Variants in AHNAK observed in about 807,000 individuals in gnomAD.
AHNAK encodes the protein neuroblast differentiation-associated protein AHNAK.
In AHNAK, 23 loss-of-function variants were observed where a neutral mutation model predicts 37.8. That is an observed-to-expected ratio of 0.61 (90% CI 0.44 to 0.86). The LOEUF (loss-of-function observed/expected upper bound fraction) is 0.86, where lower values mean the gene tolerates loss of function less well. Ranked by LOEUF, AHNAK falls within the 40% of genes least tolerant of loss-of-function variation. AHNAK has a pLI of 0.00. For synonymous variants in AHNAK, 2,481 were observed against 2,636.3 expected, an observed-to-expected ratio of 0.94 and a Z score of 1.80; for missense variants, 7,411 against 7,319.4, an observed-to-expected ratio of 1.01 and a Z score of -0.46.
At position 62,532,844 on chromosome 11, in the gene AHNAK, C is replaced by A. The variant is rs752979619; in HGVS notation, c.1573G>T (p.Val525Leu). The change falls in exon 5 of 5, where the codon GTG becomes TTG. Residue 525 changes from valine to leucine, a missense_variant. Val to Leu is a conservative substitution (Grantham distance 32, BLOSUM62 1). Coordinates refer to ENST00000378024, the MANE Select transcript of AHNAK (RefSeq NM_001620.3). Reference protein sequence around the residue: ...KGDIKVSAPGVQGDVKGPQVA... With the variant: ...KGDIKVSAPGLQGDVKGPQVA... ...TGAGGGCCTTTAACATCACCTTGCA[C>A]CCCAGGAGCAGAAACCTTAATATCT... 1 of 1,614,040 alleles carries A rather than the reference C, an allele frequency of 6.2e-7. No homozygotes were observed.
At chr11:62,538,203 A>AGGCCCCGGCCCCACCAGGCAC (rs1941014383) in intron 1 of AHNAK, among the ~76,000 whole-genome samples, 1 of 152,092 alleles carries the variant, frequency 6.6e-6, no homozygotes, top group Non-Finnish European at 1.5e-5. Flanking sequence ...TGAACAAAGG[A>AGGCCCCGGCCCCACCAGGCAC]GGCCCCGGCC....
At position 62,526,823 on chromosome 11, in the gene AHNAK, C is replaced by A. The variant is rs369178387; in HGVS notation, c.7594G>T (p.Val2532Phe). ...TCAACGTCAGCCTTAGGCAAGTTGA[C>A]GTCTACTTCAGGGCCCTCTGCTTTG... ...GFKAEGPEVD[V>F]NLPKADVDIS... Residue 2532 changes from valine to phenylalanine, a missense_variant, in exon 5 of 5, where the codon GTC becomes TTC. Transcript: ENST00000378024. 1 of 1,613,662 alleles carries A rather than the reference C, an allele frequency of 6.2e-7. No individual in the cohort carries two copies. The highest frequency in any genetic ancestry group is 8.5e-7 in the Non-Finnish European group (1 of 1,179,950).
Position 62,455,869 on chromosome 11 carries a change from A to G in AHNAK, c.443-21978T>C, listed in dbSNP as rs561676841. ...AACGAGCAAATCTCCATCCCCCCAA[A>G]AAAAAAAAAACTATACAAAATTAAC... On this transcript the variant is annotated intron_variant, in intron 5 of 5. Coordinates refer to the AHNAK transcript ENST00000257247. Among the ~76,000 whole-genome samples the G allele has an allele frequency of 4.8e-3, 720 of 150,932 alleles. 10 individuals carry two copies. The highest frequency in any genetic ancestry group is 0.017 in the African/African-American group (683 of 41,068).
At chr11:62,468,566 A>C (rs981104366) in intron 5 of AHNAK, among the ~76,000 whole-genome samples, 3 of 152,108 alleles carry the variant, frequency 2.0e-5, no homozygotes, top group Non-Finnish European at 4.4e-5. Flanking sequence ...GTTCCACACC[A>C]CCAAGCCAAA....
chr11:62,454,818 C>T (rs1456428335), intron 5 of AHNAK, among the ~76,000 whole-genome samples: 2 of 152,086 alleles, frequency 1.3e-5, no homozygotes, highest in Admixed American at 6.5e-5. Flanking sequence ...GAAATGCCTG[C>T]CCCCATGTCT....
At chr11:62,443,775 G>A (rs1938364361) in intron 5 of AHNAK, among the ~76,000 whole-genome samples, 1 of 152,176 alleles carries the variant, frequency 6.6e-6, no homozygotes, top group South Asian at 2.1e-4. Context: ...TCTGCTTCTG[G>A]TGATGAAAGA....
rs1305673870 is a variant in AHNAK, at chr11:62,533,601, C to A, written c.816G>T (p.Gly272=). Residue 272 remains glycine, a synonymous_variant, in exon 5 of 5, where the codon GGG becomes GGT. Transcript: ENST00000378024. The part of the protein sequence containing the change: ...AKGLDLGGRG[G]VQVPAVDISS... ...AAATGTCCACTGCTGGAACTTGGAC[C>A]CCTCCTCTGCCACCCAAGTCCAAGC... 1 of 1,614,116 alleles carries A rather than the reference C, an allele frequency of 6.2e-7. No individual in the cohort carries two copies. Among genetic ancestry groups the A allele is most frequent in the East Asian group, 2.2e-5 (1 of 44,882 alleles).
Position 62,516,329 on chromosome 11 carries a change from C to T in AHNAK, c.*415G>A. 1 of 1,288,674 alleles carries T rather than the reference C, an allele frequency of 7.8e-7. No homozygotes were observed. Among genetic ancestry groups the T allele is most frequent in the African/African-American group, 1.5e-5 (1 of 65,872 alleles). The allele number at this position is 1,288,674 out of a possible 1,614,324, so 79.8% of individuals were successfully genotyped here. ...CCTGACCTCCGTCTGCAACCCATCA[C>T]CCCACCCACCCTTACTAACAAAAGC... On this transcript the variant is annotated 3_prime_UTR_variant, in exon 5 of 5. Transcript: ENST00000378024.
intron 5 of AHNAK, among the ~76,000 whole-genome samples, chr11:62,475,321 A>G (rs1413080694): frequency 6.6e-6 from 1 of 151,660 alleles, no homozygotes. Context: ...AGGTGGGGGG[A>G]CCCCTGCAGC....
intron 4 of AHNAK, among the ~76,000 whole-genome samples, chr11:62,509,571 AAG>A (rs1284520980): frequency 1.3e-5 from 2 of 152,022 alleles, no homozygotes; most frequent in Non-Finnish European, 2.9e-5. Context: ...GAAAGAAAGA[AAG>A]AGACCAAGAC....
rs565382003 is a variant in AHNAK, at chr11:62,470,069, C to T, written c.442+21663G>A. Reference sequence around the variant, plus strand: ...CCCGTAATCCCAGCACTTTGGGAGGCCAAGGTGGGCGGATCACAAAGTCAA... The same window carrying T: ...CCCGTAATCCCAGCACTTTGGGAGGTCAAGGTGGGCGGATCACAAAGTCAA... On this transcript the variant is annotated intron_variant, in intron 5 of 5. Transcript: ENST00000257247. 1.2e-4 allele frequency among the ~76,000 whole-genome samples: 18 copies of T among 152,188 alleles called. No individual in the cohort carries two copies. In the South Asian group the frequency reaches 3.3e-3, roughly 28 times the overall value.
In AHNAK at chr11:62,526,593, G is replaced by C; in HGVS notation, c.7824C>G (p.Leu2608=). ...CCTTGATGTCAACTTCGGGGCCCTT[G>C]AGGTCACCTTCCACTTTGGGCAGAG... ...DVSLPKVEGD[L]KGPEVDIKGP... is the part of the protein sequence containing the mutation. The change falls in exon 5 of 5, where the codon CTC becomes CTG. Residue 2608 remains leucine, a synonymous_variant. Transcript: ENST00000378024. 1 of 1,613,472 alleles carries C rather than the reference G, an allele frequency of 6.2e-7. No homozygotes were observed. Among genetic ancestry groups the C allele is most frequent in the Middle Eastern group, 1.7e-4 (1 of 6,056 alleles).
Position 62,529,975 on chromosome 11 carries a change from T to C in AHNAK, c.4442A>G (p.Lys1481Arg), listed in dbSNP as rs75436331. 47,438 of 1,613,340 alleles carry C rather than the reference T, an allele frequency of 0.029. 842 individuals are homozygous for C. Among genetic ancestry groups the C allele is most frequent in the African/African-American group, 0.075 (5,584 of 74,760 alleles). The change falls in exon 5 of 5, where the codon AAA becomes AGA. Residue 1481 changes from lysine (K) to arginine (R), a missense_variant. Coordinates refer to ENST00000378024, the MANE Select transcript of AHNAK (RefSeq NM_001620.3). ...VTVPKVEGEIKAPDVDIKGPK... is the reference protein window; with the variant it reads ...VTVPKVEGEIRAPDVDIKGPK... ...GCCTTTGATGTCAACATCAGGAGCT[T>C]TTATCTCTCCTTCTACTTTTGGAAC... is the stretch of plus-strand genomic sequence containing the variant.
chr11:62,528,064 G>A lies in AHNAK; in HGVS notation c.6353C>T (p.Ser2118Phe), dbSNP rs1281811777. ...PEMHFKAPKISMPDVDLHLKG... is the reference protein window; with the variant it reads ...PEMHFKAPKIFMPDVDLHLKG... ...CAAGTGTAAGTCCACATCAGGCATG[G>A]AGATCTTGGGGGCCTTGAAGTGCAT... is the stretch of plus-strand genomic sequence containing the variant. Residue 2118 changes from serine (S) to phenylalanine (F), a missense_variant, in exon 5 of 5, where the codon TCC (serine) becomes TTC (phenylalanine). Physicochemically the swap from Ser to Phe is radical, Grantham distance 155. Transcript: ENST00000378024. The A allele has an allele frequency of 6.2e-7, 1 of 1,613,628 alleles. No individual in the cohort carries two copies. The highest frequency in any genetic ancestry group is 8.5e-7 in the Non-Finnish European group (1 of 1,179,928).
downstream of AHNAK, among the ~76,000 whole-genome samples, chr11:62,511,845 C>T (rs780831802): frequency 7.9e-5 from 12 of 152,030 alleles, no homozygotes; most frequent in Non-Finnish European, 1.5e-4. Context: ...AGTGCCACAC[C>T]GGGCTAGTTT....
Position 62,527,541 on chromosome 11 carries a change from T to C in AHNAK, c.6876A>G (p.Glu2292=), listed in dbSNP as rs1338777377. ...TAAACTTGGGGCCCTTCAGCTTCCC[T>C]TCTGGACCTTCAAGGCTCACATCTG... ...EVPDVSLEGP[E]GKLKGPKFKM... The change falls in exon 5 of 5, where the codon GAA becomes GAG. Residue 2292 remains glutamate, a synonymous_variant. Transcript: ENST00000378024. The C allele has an allele frequency of 4.3e-6, 7 of 1,609,506 alleles. No individual in the cohort carries two copies. The East Asian group carries it at 1.6e-4, about 36-fold the overall frequency.
chr11:62,482,015 G>C (rs1030336629), intron 5 of AHNAK, among the ~76,000 whole-genome samples: 3 of 152,098 alleles, frequency 2.0e-5, no homozygotes, highest in African/African-American at 4.8e-5. Context: ...TCCCTGCTGG[G>C]TCAGCCATGC....
intron 5 of AHNAK, among the ~76,000 whole-genome samples, chr11:62,465,386 G>C (rs1938889572): frequency 6.6e-6 from 1 of 152,146 alleles, no homozygotes; most frequent in Non-Finnish European, 1.5e-5. Flanking sequence ...AGGCCGAGGT[G>C]GGTGGATCAT....
At chr11:62,440,272 C>CT (rs1938276056) in intron 5 of AHNAK, among the ~76,000 whole-genome samples, 1 of 152,082 alleles carries the variant, frequency 6.6e-6, no homozygotes, top group South Asian at 2.1e-4. Flanking sequence ...GGAAACGACA[C>CT]TGAGAGGGGG....
Sources: gnomAD v4.1 joint callset for allele counts (sites outside exome capture counted in the v4.1 genomes callset) on GRCh38, gnomAD v4.1.1 for gene constraint, MANE v1.5 for transcripts, NCBI Gene and HGNC (gene_info 2026-07-23, HGNC 2026-07-21) for gene names.